The following ITPR2 variants were observed in gnomAD, a reference collection of about 807,000 sequenced individuals.
ITPR2 encodes inositol 1,4,5-trisphosphate-gated calcium channel ITPR2.
Under a neutral mutation model 317.1 loss-of-function variants are expected in ITPR2, and 207 were observed. The ratio of observed to expected loss-of-function variants is 0.65; its 90% CI spans 0.58 to 0.73. The LOEUF (loss-of-function observed/expected upper bound fraction) is 0.73, where lower values mean the gene tolerates loss of function less well. ITPR2 is among the 30% of genes least tolerant of loss of function. The probability of loss-of-function intolerance (pLI) is 0.00; values close to 1 mark genes in which losing one functional copy is unlikely to be tolerated. For synonymous variants in ITPR2, 1,156 were observed against 1,149.1 expected, an observed-to-expected ratio of 1.01 and a Z score of -0.12; for missense variants, 2,613 against 3,284.0, an observed-to-expected ratio of 0.80 and a Z score of 4.99.
intron 13 of ITPR2, among the ~76,000 whole-genome samples, chr12:26,669,375 C>G (rs1020281945): frequency 8.6e-5 from 13 of 151,916 alleles, no homozygotes; most frequent in South Asian, 8.3e-4. Flanking sequence ...GACAAAGAAG[C>G]AATATTTGCA....
At chr12:26,630,976 T>C (rs1368001492) in intron 22 of ITPR2, among the ~76,000 whole-genome samples, 1 of 152,232 alleles carries the variant, frequency 6.6e-6, no homozygotes, top group Non-Finnish European at 1.5e-5. Flanking sequence ...CTAGAGGAAC[T>C]GTGAAACCTT....
At chr12:26,448,540 A>G (rs1004786297) in intron 45 of ITPR2, among the ~76,000 whole-genome samples, 2 of 152,304 alleles carry the variant, frequency 1.3e-5, no homozygotes, top group African/African-American at 4.8e-5. Context: ...TGCAAATAGA[A>G]AAACTAGGCC....
chr12:26,701,127 C>T (rs1048757808), intron 9 of ITPR2, among the ~76,000 whole-genome samples: 2 of 152,094 alleles, frequency 1.3e-5, no homozygotes, highest in African/African-American at 4.8e-5. Flanking sequence ...ATAAAGAAGT[C>T]AGGTATGGTG....
chr12:26,484,422 T>C (rs977723902), intron 41 of ITPR2, among the ~76,000 whole-genome samples: 2 of 152,084 alleles, frequency 1.3e-5, no homozygotes, highest in African/African-American at 4.8e-5. Context: ...CTATCAATAT[T>C]TTAAGTTAAC....
At chr12:26,624,842 T>TA (rs1946584182) in intron 23 of ITPR2, among the ~76,000 whole-genome samples, 1 of 152,026 alleles carries the variant, frequency 6.6e-6, no homozygotes, top group South Asian at 2.1e-4. Context: ...TGGGTGTATA[T>TA]GAAAAAGAAA....
intron 34 of ITPR2, among the ~76,000 whole-genome samples, chr12:26,570,625 G>T (rs1312390136): frequency 1.3e-5 from 2 of 152,032 alleles, no homozygotes; most frequent in Non-Finnish European, 1.5e-5. Context: ...ATTTCCACTT[G>T]GAAAATAGAT....
intron 37 of ITPR2, among the ~76,000 whole-genome samples, chr12:26,523,809 T>C (rs749646206): frequency 1.3e-5 from 2 of 152,208 alleles, no homozygotes; most frequent in Non-Finnish European, 2.9e-5. Flanking sequence ...AGCAATCTAA[T>C]TGAATTTCAG....
At chr12:26,411,034 A>C (rs189195432) in intron 52 of ITPR2, among the ~76,000 whole-genome samples, 1 of 152,336 alleles carries the variant, frequency 6.6e-6, no homozygotes, top group Admixed American at 6.5e-5. Context: ...GGACTCACTT[A>C]GTGTGGTTTG....
intron 32 of ITPR2, among the ~76,000 whole-genome samples, chr12:26,581,290 C>A (rs1945397610): frequency 6.6e-6 from 1 of 152,164 alleles, no homozygotes; most frequent in Admixed American, 6.6e-5. Context: ...CTAATGCCAG[C>A]ATTTGCCAAA....
At chr12:26,554,763 C>T (rs1479616299) in intron 36 of ITPR2, among the ~76,000 whole-genome samples, 3 of 151,642 alleles carry the variant, frequency 2.0e-5, no homozygotes, top group Non-Finnish European at 4.4e-5. Flanking sequence ...ATCAAAGATC[C>T]TATTATCTTT....
chr12:26,589,829 T>A lies in ITPR2; in HGVS notation c.4380+5636A>T, dbSNP rs138215755. On this transcript the variant is annotated intron_variant, in intron 32 of 56. Transcript: ENST00000381340. Reference sequence around the variant, plus strand: ...AATAAAAAATAAATAAATAAATAAATAAACATATATATATATATATATATA... The same window carrying A: ...AATAAAAAATAAATAAATAAATAAAAAAACATATATATATATATATATATA... Among the ~76,000 whole-genome samples, 214 of 22,750 alleles carry A rather than the reference T, an allele frequency of 9.4e-3. 5 individuals are homozygous for A. Among genetic ancestry groups the A allele is most frequent in the Middle Eastern group, 0.033 (1 of 30 alleles). The allele number at this position is 22,750 out of a possible 152,430, so 14.9% of individuals were successfully genotyped here.
At chr12:26,559,021 T>C (rs920867016) in intron 35 of ITPR2, among the ~76,000 whole-genome samples, 4 of 152,240 alleles carry the variant, frequency 2.6e-5, no homozygotes, top group Admixed American at 1.3e-4. Flanking sequence ...ATCCACCAAG[T>C]TCTATTAGTT....
chr12:26,632,162 G>C (rs1190779789), intron 21 of ITPR2, 103 bp from the exon 22 acceptor site: 9 of 832,514 alleles, frequency 1.1e-5, no homozygotes, highest in Non-Finnish European at 7.0e-6. Context: ...GCCAGGAAAA[G>C]GATTCAGGAT....
chr12:26,648,687 T>A (rs568196895), intron 21 of ITPR2: 10 of 152,290 alleles, frequency 6.6e-5, no homozygotes, highest in South Asian at 2.1e-4. Context: ...AGTATTGTAA[T>A]GTGGTAACAT....
chr12:26,547,509 G>GA (rs1420186920), intron 37 of ITPR2, among the ~76,000 whole-genome samples: 3 of 152,172 alleles, frequency 2.0e-5, no homozygotes, highest in Non-Finnish European at 4.4e-5. Flanking sequence ...CTCAAAAAAT[G>GA]AAAAACAGAA....
chr12:26,605,515 A>G (rs1223298210), intron 26 of ITPR2, among the ~76,000 whole-genome samples: 2 of 152,186 alleles, frequency 1.3e-5, no homozygotes, highest in Non-Finnish European at 2.9e-5. Flanking sequence ...GAAAAGAGAT[A>G]TTTTTTATGT....
At chr12:26,692,220 C>T (rs1021631343) in intron 10 of ITPR2, among the ~76,000 whole-genome samples, 7 of 147,280 alleles carry the variant, frequency 4.8e-5, no homozygotes, top group Admixed American at 1.4e-4. Flanking sequence ...GCACATAGAC[C>T]GGTGGTTCTC....
intron 1 of ITPR2, among the ~76,000 whole-genome samples, chr12:26,815,191 C>T (rs1016323006): frequency 1.3e-5 from 2 of 152,104 alleles, no homozygotes; most frequent in African/African-American, 2.4e-5. Context: ...ATTAGCCAGG[C>T]ATGATGGTGC....
At chr12:26,799,677 A>G (rs551059788) in intron 1 of ITPR2, among the ~76,000 whole-genome samples, 92 of 152,290 alleles carry the variant, frequency 6.0e-4, no homozygotes, top group Non-Finnish European at 7.9e-4. Context: ...CATCTAAAAT[A>G]ACTTCCTTTT....
Sources: gnomAD v4.1 joint callset for allele counts (sites outside exome capture counted in the v4.1 genomes callset) on GRCh38, gnomAD v4.1.1 for gene constraint, MANE v1.5 for transcripts, NCBI Gene and HGNC (gene_info 2026-07-23, HGNC 2026-07-21) for gene names.